TNFAIP2: variants seen among roughly 807,000 people sequenced by gnomAD.
TNFAIP2 encodes the protein tumor necrosis factor alpha-induced protein 2.
A neutral mutation model predicts 63.5 loss-of-function variants in TNFAIP2; 47 were observed. The ratio of observed to expected loss-of-function variants is 0.74; its 90% confidence interval spans 0.59 to 0.94. The LOEUF is 0.94. TNFAIP2 is among the 40% of genes least tolerant of loss of function. The pLI is 0.00. For synonymous variants in TNFAIP2, 405 were observed against 390.2 expected, an observed-to-expected ratio of 1.04 and a Z score of -0.45; for missense variants, 787 against 850.2, an observed-to-expected ratio of 0.93 and a Z score of 0.92.
Position 103,130,279 on chromosome 14 carries a change from G to A in TNFAIP2, c.1099-36G>A, listed in dbSNP as rs377331327. 7.6e-5 allele frequency: 117 copies of A among 1,538,768 alleles called. No individual in the cohort carries two copies. The African/African-American group carries it at 1.3e-3, about 17-fold the overall frequency. ...CCGTCCCCTGCCCCCTTGTCCAGGCGAGCCCCTGCTCAGCTCACCCACCAC... is the reference window on the plus strand; with the variant it reads ...CCGTCCCCTGCCCCCTTGTCCAGGCAAGCCCCTGCTCAGCTCACCCACCAC... On this transcript the variant is annotated intron_variant, in intron 5 of 11. Coordinates refer to ENST00000560869, the MANE Select transcript of TNFAIP2 (RefSeq NM_006291.4).
At chr14:103,124,559 C>G (rs2087813779) in intron 1 of TNFAIP2, 1 of 152,656 alleles carries the variant, frequency 6.6e-6, no homozygotes, top group Admixed American at 6.5e-5. Flanking sequence ...TGAGGTGAGG[C>G]TGGCAGGGAG....
At chr14:103,129,877 G>A in intron 4 of TNFAIP2, 23 bp downstream of exon 4, 1 of 1,610,186 alleles carries the variant, frequency 6.2e-7, no homozygotes, top group South Asian at 1.1e-5. Flanking sequence ...CTGGGCCAGG[G>A]AGGGGCAGGG....
chr14:103,133,365 C>G lies in TNFAIP2; in HGVS notation c.1549C>G (p.Leu517Val), dbSNP rs377022493. Reference protein sequence around the residue: ...SELQGCFREELMEALHLHLVK... With the variant: ...SELQGCFREEVMEALHLHLVK... ...CCCTGGCTGCTTGCCCTCCCAGGAG[C>G]TCATGGAGGCCTTGCACCTGCACCT... Residue 517 changes from leucine to valine, a missense_variant, in exon 10 of 12, where the codon CTC becomes GTC. By Grantham distance (32) the Leu-to-Val change is conservative. This residue lies in a region of TNFAIP2 where 523 missense variants were observed against 604.1 expected (regional missense o/e 0.87). Coordinates refer to ENST00000560869, the MANE Select transcript of TNFAIP2 (RefSeq NM_006291.4). 2.5e-6 allele frequency: 4 copies of G among 1,613,126 alleles called. No homozygotes were observed. Among genetic ancestry groups the G allele is most frequent in the Admixed American group, 1.7e-5 (1 of 59,982 alleles).
Position 103,133,726 on chromosome 14 carries a change from C to T in TNFAIP2, c.1746C>T (p.Ala582=), listed in dbSNP as rs542271685. The T allele has an allele frequency of 1.2e-5, 19 of 1,596,274 alleles. No individual in the cohort carries two copies. Among genetic ancestry groups the T allele is most frequent in the East Asian group, 8.9e-5 (4 of 44,762 alleles). The change falls in exon 11 of 12, where the codon GCC becomes GCT. Residue 582 remains alanine (A), a synonymous_variant. Transcript: ENST00000560869. ...TGCAGCCTGCTCTCCCTACGCTGGC[C>T]GAGATCATTCGCCTGCAGGACCCCA... ...TWLQPALPTL[A]EIIRLQDPSA...
Position 103,126,348 on chromosome 14 carries a change from T to C in TNFAIP2, c.-110T>C. 2 of 741,892 alleles carry C rather than the reference T, an allele frequency of 2.7e-6. No homozygotes were observed. Among genetic ancestry groups the C allele is most frequent in the Non-Finnish European group, 4.4e-6 (2 of 454,228 alleles). 46.0% of individuals were successfully genotyped at this position (741,892 alleles called of 1,614,324 possible). A position where few individuals can be genotyped will look rare whatever the true frequency, so the allele number is the denominator to read the frequency against. On this transcript the variant is annotated 5_prime_UTR_variant, in exon 2 of 12. An upstream start codon of the reference 5' UTR is lost. Coordinates refer to ENST00000560869, the MANE Select transcript of TNFAIP2 (RefSeq NM_006291.4). ...TGAACCAGGGTGATGCTGAAGATGATGACCTTCTTCCAAGGCCTCTAGAGC... is the reference window on the plus strand; with the variant it reads ...TGAACCAGGGTGATGCTGAAGATGACGACCTTCTTCCAAGGCCTCTAGAGC...
At position 103,135,902 on chromosome 14, in the gene TNFAIP2, G is replaced by A. The variant is rs1488675606; in HGVS notation, c.*542G>A. On this transcript the variant is annotated 3_prime_UTR_variant, in exon 12 of 12. Transcript: ENST00000560869. This position sits in a 1 kb window ranked among gnomAD's most constrained non-coding sequence, Gnocchi z 7.6. ...AAAGATGAGCTCTCGTCTGGCAGGGGCTTTTAGGGTCCTGTGGCGAGCTGT... is the reference window on the plus strand; with the variant it reads ...AAAGATGAGCTCTCGTCTGGCAGGGACTTTTAGGGTCCTGTGGCGAGCTGT... The A allele has an allele frequency of 5.4e-6, 7 of 1,289,822 alleles. No individual in the cohort carries two copies. Among genetic ancestry groups the A allele is most frequent in the Admixed American group, 2.3e-5 (1 of 43,566 alleles). The allele number at this position is 1,289,822 out of a possible 1,614,324, so 79.9% of individuals were successfully genotyped here.
chr14:103,135,331 C>A lies in TNFAIP2; in HGVS notation c.1936C>A (p.Pro646Thr). ...VSMGAQEPSR[P>T]LFSLIKVG Reference sequence around the variant, plus strand: ...CATGGGGGCGCAGGAGCCCTCCCGGCCCCTATTTTCCCTTATAAAGGTTGG... The same window carrying A: ...CATGGGGGCGCAGGAGCCCTCCCGGACCCTATTTTCCCTTATAAAGGTTGG... The change falls in exon 12 of 12, where the codon CCC becomes ACC. Residue 646 changes from proline (P) to threonine (T), a missense_variant. Transcript: ENST00000560869. The surrounding 1 kb of genome is among the most constrained non-coding windows in gnomAD (Gnocchi z 7.6). 6.2e-7 allele frequency: 1 copy of A among 1,611,806 alleles called. No individual in the cohort carries two copies. The highest frequency in any genetic ancestry group is 8.5e-7 in the Non-Finnish European group (1 of 1,178,968).
chr14:103,130,582 A>T (rs563068458), intron 6 of TNFAIP2, among the ~76,000 whole-genome samples, 167 bp downstream of exon 6: 2 of 152,318 alleles, frequency 1.3e-5, no homozygotes, highest in Admixed American at 6.5e-5. Flanking sequence ...TGAGAGCCTC[A>T]GGTGGTCTGA....
At chr14:103,124,046 C>T (rs1161130992) in intron 1 of TNFAIP2, 95 bp downstream of exon 1, 1 of 152,386 alleles carries the variant, frequency 6.6e-6, no homozygotes, top group Non-Finnish European at 1.5e-5. Flanking sequence ...CAGCAGGCCC[C>T]TTCCTGCCTC....
rs2087939002 is a variant in TNFAIP2 at position 103,130,059 on chromosome 14, G to T, written c.1033G>T (p.Glu345Ter). 7 of 1,613,306 alleles carry T rather than the reference G, an allele frequency of 4.3e-6. No homozygotes were observed. Among genetic ancestry groups the T allele is most frequent in the African/African-American group, 1.3e-5 (1 of 74,898 alleles). ...ALELEARRWA[E>*]DVPPQRLDGH... ...GGAGCTAGAGGCACGGCGCTGGGCTGAGGATGTGCCTCCCCAGAGGCTGGA... is the reference window on the plus strand; with the variant it reads ...GGAGCTAGAGGCACGGCGCTGGGCTTAGGATGTGCCTCCCCAGAGGCTGGA... The change falls in exon 5 of 12, where the codon GAG becomes TAG. Residue 345 changes from glutamate to a stop codon, truncating the protein, a stop_gained. Transcript: ENST00000560869. LOFTEE classifies it high-confidence loss of function.
chr14:103,133,709 GCTCT>G lies in TNFAIP2; in HGVS notation c.1731_1734del (p.Pro579ArgfsTer33). The G allele has an allele frequency of 6.3e-7, 1 of 1,584,480 alleles. No homozygotes were observed. Among genetic ancestry groups the G allele is most frequent in the Non-Finnish European group, 8.6e-7 (1 of 1,169,400 alleles). ...CTCCCCGGCGACCTGGCTGCAGCCT[GCTCT>G]CCCTACGCTGGCCGAGATCATTCGC... is the stretch of plus-strand genomic sequence containing the variant. On this transcript the variant is annotated frameshift_variant, in exon 11 of 12. Transcript: ENST00000560869. LOFTEE classifies it high-confidence loss of function.
chr14:103,132,833 G>T lies in TNFAIP2; in HGVS notation c.1506G>T (p.Arg502Ser), dbSNP rs1369318306. 3.1e-6 allele frequency: 5 copies of T among 1,614,056 alleles called. No individual in the cohort carries two copies. The highest frequency in any genetic ancestry group is 4.2e-6 in the Non-Finnish European group (5 of 1,179,968). The change falls in exon 9 of 12, where the codon AGG becomes AGT. Residue 502 changes from arginine to serine, a missense_variant. Physicochemically the swap from Arg to Ser is moderately radical, Grantham distance 110 (BLOSUM62 -1). Transcript: ENST00000560869. ...LENIIATVDT[R>S]LPEFSELQGC... ...ACATCATCGCCACTGTAGACACGAG[G>T]CTGCCTGAGTTCTCAGAGCTGCAGG...
chr14:103,121,709 C>T (rs1026151577), upstream of TNFAIP2, among the ~76,000 whole-genome samples: 10 of 152,202 alleles, frequency 6.6e-5, no homozygotes, highest in African/African-American at 1.9e-4. Flanking sequence ...GTGCTCTGGG[C>T]GGGCCACTGC....
At position 103,127,388 on chromosome 14, in the gene TNFAIP2, G is replaced by A. The variant is rs781441902; in HGVS notation, c.619G>A (p.Ala207Thr). 24 of 1,533,714 alleles carry A rather than the reference G, an allele frequency of 1.6e-5. No homozygotes were observed. In the South Asian group the frequency reaches 2.4e-4, roughly 15 times the overall value. Residue 207 changes from alanine (A) to threonine (T), a missense_variant, in exon 3 of 12, where the codon GCC (alanine) becomes ACC (threonine). Physicochemically the swap from Ala to Thr is moderately conservative, Grantham distance 58. Coordinates refer to ENST00000560869, the MANE Select transcript of TNFAIP2 (RefSeq NM_006291.4). The surrounding 1 kb of genome is among the most constrained non-coding windows in gnomAD (Gnocchi z 5.1). Reference sequence around the variant, plus strand: ...CGAGGAGCGCATGGGCCAGCGGCCGGCCGCGGGCGCCGAGGTCCCCGAGAG... The same window carrying A: ...CGAGGAGCGCATGGGCCAGCGGCCGACCGCGGGCGCCGAGGTCCCCGAGAG... ...AAEERMGQRP[A>T]AGAEVPESVF...
chr14:103,135,330 G>T lies in TNFAIP2; in HGVS notation c.1935G>T (p.Arg645=), dbSNP rs199840962. 8 of 1,612,712 alleles carry T rather than the reference G, an allele frequency of 5.0e-6. No homozygotes were observed. The Admixed American group carries it at 1.2e-4, about 24-fold the overall frequency. Residue 645 remains arginine, a synonymous_variant, in exon 12 of 12, where the codon CGG becomes CGT. Coordinates refer to ENST00000560869, the MANE Select transcript of TNFAIP2 (RefSeq NM_006291.4). This position sits in a 1 kb window ranked among gnomAD's most constrained non-coding sequence, Gnocchi z 7.6. ...GCATGGGGGCGCAGGAGCCCTCCCG[G>T]CCCCTATTTTCCCTTATAAAGGTTG... is the stretch of plus-strand genomic sequence containing the variant. ...DVSMGAQEPS[R]PLFSLIKVG is the part of the protein sequence containing the mutation.
chr14:103,121,520 A>G (rs564843190), upstream of TNFAIP2, among the ~76,000 whole-genome samples: 3 of 152,368 alleles, frequency 2.0e-5, no homozygotes, highest in South Asian at 2.1e-4. Flanking sequence ...CTCCTGCCCT[A>G]TGGGCCCCAT....
At chr14:103,133,023 TG>T (rs1173911261) in intron 9 of TNFAIP2, 151 bp downstream of exon 9, 1 of 1,324,796 alleles carries the variant, frequency 7.5e-7, no homozygotes, top group African/African-American at 1.4e-5. Context: ...CACGTGCACA[TG>T]TGAACACACG....
Position 103,127,582 on chromosome 14 carries a change from G to C in TNFAIP2, c.813G>C (p.Glu271Asp), listed in dbSNP as rs779407104. Residue 271 changes from glutamate to aspartate, a missense_variant, in exon 3 of 12, where the codon GAG becomes GAC. Glu to Asp is a conservative substitution (Grantham distance 45, BLOSUM62 2). Around this residue, in one of 3 missense-constraint regions of TNFAIP2, gnomAD observed 523 missense variants for 604.1 expected, o/e 0.87. Coordinates refer to ENST00000560869, the MANE Select transcript of TNFAIP2 (RefSeq NM_006291.4). This position sits in a 1 kb window ranked among gnomAD's most constrained non-coding sequence, Gnocchi z 5.1. Reference protein sequence around the residue: ...LAAVAQFELCERDTYMLLLWV... With the variant: ...LAAVAQFELCDRDTYMLLLWV... ...CCGTGGCGCAGTTCGAGCTGTGCGAGCGCGACACCTACATGCTGCTGCTCT... is the reference window on the plus strand; with the variant it reads ...CCGTGGCGCAGTTCGAGCTGTGCGACCGCGACACCTACATGCTGCTGCTCT... 2.6e-6 allele frequency: 4 copies of C among 1,559,928 alleles called. No homozygotes were observed. Among genetic ancestry groups the C allele is most frequent in the Admixed American group, 3.7e-5 (2 of 54,446 alleles).
At chr14:103,133,159 C>T (rs1322318880) in intron 9 of TNFAIP2, among the ~76,000 whole-genome samples, 1 of 149,364 alleles carries the variant, frequency 6.7e-6, no homozygotes, top group East Asian at 1.9e-4. Flanking sequence ...CACATGTGAA[C>T]ACGTGAACGC....
Sources: gnomAD v4.1 joint callset for allele counts (sites outside exome capture counted in the v4.1 genomes callset) on GRCh38, gnomAD v4.1.1 for gene constraint, gnomAD v4.1.1 regional missense constraint, Gnocchi (gnomAD v3.1) non-coding constraint, MANE v1.5 for transcripts, NCBI Gene and HGNC (gene_info 2026-07-23, HGNC 2026-07-21) for gene names.